LRRC61: variants seen among roughly 807,000 people sequenced by gnomAD.
LRRC61 encodes the protein leucine rich repeat containing 61.
In LRRC61, 9 loss-of-function variants were observed where a neutral mutation model predicts 15.1. That is an observed-to-expected ratio of 0.60 (90% CI 0.36 to 1.04). The LOEUF is 1.04. LRRC61 is among the 50% of genes least tolerant of loss of function. The pLI, the probability that LRRC61 is intolerant of heterozygous loss-of-function variation, is 0.01. For synonymous variants in LRRC61, 173 were observed against 158.6 expected (o/e 1.09, Z -0.68); for missense variants, 344 against 335.6 (o/e 1.03, Z -0.20).
At chr7:150,324,822 C>G (rs73474310) in intron 1 of LRRC61, among the ~76,000 whole-genome samples, 1,815 of 152,290 alleles carry the variant, frequency 0.012, 37 homozygotes, top group African/African-American at 0.042. Context: ...ATCCCCACCT[C>G]CAGCATTCCC....
At chr7:150,329,400 G>A (rs529093191) in intron 2 of LRRC61, among the ~76,000 whole-genome samples, 1 of 152,380 alleles carries the variant, frequency 6.6e-6, no homozygotes, top group African/African-American at 2.4e-5. Flanking sequence ...CCGAGGTACG[G>A]TATCCAAGGG....
rs1011364381 is a variant in LRRC61 at position 150,337,121 on chromosome 7, T to C, written c.260T>C (p.Leu87Pro). Reference protein sequence around the residue: ...LAVLNVSNNRLTGLEPLATCE... With the variant: ...LAVLNVSNNRPTGLEPLATCE... The stretch of plus-strand genomic sequence containing the variant: ...GTGCTCAATGTCTCCAACAATCGGC[T>C]GACGGGCCTGGAGCCACTGGCCACC... The change falls in exon 3 of 3, where the codon CTG (leucine) becomes CCG (proline). Residue 87 changes from leucine to proline, a missense_variant. By Grantham distance (98) the Leu-to-Pro change is moderately conservative (BLOSUM62 -3). Coordinates refer to ENST00000359623, the MANE Select transcript of LRRC61 (RefSeq NM_001142928.2). The C allele has an allele frequency of 1.9e-6, 3 of 1,612,122 alleles. No individual in the cohort carries two copies. Among genetic ancestry groups the C allele is most frequent in the Non-Finnish European group, 2.5e-6 (3 of 1,179,864 alleles).
chr7:150,323,786 A>C, intron 1 of LRRC61: 1 of 440,392 alleles, frequency 2.3e-6, no homozygotes, highest in Admixed American at 2.5e-5. Context: ...TAACAATCTC[A>C]TGAGGCGGGT....
At chr7:150,326,334 T>C (rs1368496940) in intron 2 of LRRC61, among the ~76,000 whole-genome samples, 2 of 152,174 alleles carry the variant, frequency 1.3e-5, no homozygotes, top group African/African-American at 4.8e-5. Context: ...CAAAGCTAAT[T>C]GGGAAACAGA....
At chr7:150,323,924 A>T (rs1276901113) in intron 1 of LRRC61, among the ~76,000 whole-genome samples, 1 of 152,230 alleles carries the variant, frequency 6.6e-6, no homozygotes, top group Non-Finnish European at 1.5e-5. Context: ...GCTTCCAGAA[A>T]GTAGCAGAGT....
the LRRC61 span, among the ~76,000 whole-genome samples, chr7:150,309,997 G>T: frequency 6.6e-6 from 1 of 152,140 alleles, no homozygotes; most frequent in African/African-American, 2.4e-5. Flanking sequence ...GCTGTTGTGG[G>T]TATTGACGGC....
At chr7:150,311,279 G>T in the LRRC61 span, among the ~76,000 whole-genome samples, 5,888 of 152,194 alleles carry the variant, frequency 0.039, 369 homozygotes, top group African/African-American at 0.14. Context: ...CTGTTGGAGT[G>T]CTCACACAGG....
rs972012553 is a variant in LRRC61, at chr7:150,330,254, G to C, written c.-145+4244G>C. On this transcript the variant is annotated intron_variant, in intron 2 of 2. Transcript: ENST00000359623. The surrounding 1 kb of genome is among the most constrained non-coding windows in gnomAD (Gnocchi z 4.6). ...AGGAGCTCTTGGACCACTGGGTCTC[G>C]GCCTACCACCTGCTGGAGTGGCTGG... is the stretch of plus-strand genomic sequence containing the variant. The C allele has an allele frequency of 3.2e-6, 2 of 627,094 alleles. No individual in the cohort carries two copies. The highest frequency in any genetic ancestry group is 2.7e-5 in the East Asian group (1 of 37,252). 38.8% of individuals were successfully genotyped at this position (627,094 alleles called of 1,614,324 possible).
intron 2 of LRRC61, chr7:150,332,406 T>G (rs1417964194): frequency 6.0e-6 from 1 of 167,080 alleles, no homozygotes; most frequent in Non-Finnish European, 1.5e-5. Context: ...AGCATGTCAC[T>G]GGCCATGGGG....
chr7:150,311,803 T>C, the LRRC61 span, among the ~76,000 whole-genome samples: 1 of 152,194 alleles, frequency 6.6e-6, no homozygotes, highest in Non-Finnish European at 1.5e-5. Flanking sequence ...GCACTTCCTC[T>C]CTCCACTACT....
rs1316208452 is a variant in LRRC61, at chr7:150,337,350, G to T, written c.489G>T (p.Glu163Asp). 4 of 1,604,564 alleles carry T rather than the reference G, an allele frequency of 2.5e-6. No individual in the cohort carries two copies. The highest frequency in any genetic ancestry group is 1.3e-5 in the African/African-American group (1 of 74,928). The change falls in exon 3 of 3, where the codon GAG becomes GAT. Residue 163 changes from glutamate to aspartate, a missense_variant. Physicochemically the swap from Glu to Asp is conservative, Grantham distance 45. Transcript: ENST00000359623. The part of the protein sequence containing the change: ...LLPGLKVIDG[E>D]RVIGRGSEFY... ...CTGGCCTGAAAGTCATCGACGGTGA[G>T]CGTGTGATTGGGCGTGGTAGTGAGT...
At position 150,335,029 on chromosome 7, in the gene LRRC61, T is replaced by C. The variant is rs1381514254; in HGVS notation, c.-144-1689T>C. On this transcript the variant is annotated intron_variant, in intron 2 of 2. Transcript: ENST00000359623. The surrounding 1 kb of genome is among the most constrained non-coding windows in gnomAD (Gnocchi z 4.3). ...AGGGCAACAAGAGTGAAACTCTGTC[T>C]CAAAAAAAAAAAAAAAAAAGAAAAA... Among the ~76,000 whole-genome samples, 3 of 104,698 alleles carry C rather than the reference T, an allele frequency of 2.9e-5. No individual in the cohort carries two copies. The highest frequency in any genetic ancestry group is 9.8e-5 in the Admixed American group (1 of 10,190). 68.7% of individuals were successfully genotyped at this position (104,698 alleles called of 152,430 possible). A position where few individuals can be genotyped will look rare whatever the true frequency, so the allele number is the denominator to read the frequency against.
At position 150,336,917 on chromosome 7, in the gene LRRC61, A is replaced by G; in HGVS notation, c.56A>G (p.Gln19Arg). 6.2e-7 allele frequency: 1 copy of G among 1,613,188 alleles called. No individual in the cohort carries two copies. The highest frequency in any genetic ancestry group is 8.5e-7 in the Non-Finnish European group (1 of 1,179,924). ...GEAGGLQITP[Q>R]LLKSRTGEFS... ...GCTGGCGGACTGCAGATCACACCCC[A>G]GCTGCTGAAGTCACGCACAGGCGAG... Residue 19 changes from glutamine (Q) to arginine (R), a missense_variant, in exon 3 of 3, where the codon CAG becomes CGG. By Grantham distance (43) the Gln-to-Arg change is conservative. Coordinates refer to ENST00000359623, the MANE Select transcript of LRRC61 (RefSeq NM_001142928.2).
chr7:150,309,998 T>C, the LRRC61 span, among the ~76,000 whole-genome samples: 1 of 152,160 alleles, frequency 6.6e-6, no homozygotes, highest in Non-Finnish European at 1.5e-5. Flanking sequence ...CTGTTGTGGG[T>C]ATTGACGGCC....
chr7:150,311,264 C>G, the LRRC61 span, among the ~76,000 whole-genome samples: 1 of 152,220 alleles, frequency 6.6e-6, no homozygotes, highest in Admixed American at 6.5e-5. Context: ...AAATACAAGG[C>G]TGTGCTGTTG....
intron 2 of LRRC61, among the ~76,000 whole-genome samples, chr7:150,334,498 C>A (rs1294964654): frequency 6.6e-6 from 1 of 152,138 alleles, no homozygotes; most frequent in Non-Finnish European, 1.5e-5. Context: ...TGGAGAGAGG[C>A]CTGCGAGTTC....
chr7:150,315,771 CAT>C, the LRRC61 span, among the ~76,000 whole-genome samples: 3 of 151,980 alleles, frequency 2.0e-5, no homozygotes, highest in South Asian at 6.2e-4. Flanking sequence ...TATATTCATA[CAT>C]GTGTGTATTC....
At chr7:150,328,214 T>A (rs1798004329) in intron 2 of LRRC61, among the ~76,000 whole-genome samples, 1 of 152,118 alleles carries the variant, frequency 6.6e-6, no homozygotes, top group African/African-American at 2.4e-5. Flanking sequence ...GAAGATCTGG[T>A]CCAAAATAGG....
In LRRC61 at chr7:150,333,195, G is replaced by A. The variant is rs1798169408; in HGVS notation, c.-144-3523G>A. On this transcript the variant is annotated intron_variant, in intron 2 of 2. Transcript: ENST00000359623. The surrounding 1 kb of genome is among the most constrained non-coding windows in gnomAD (Gnocchi z 4.3). ...GAACGTGAGAAGATTGGGTGAGGAT[G>A]AAAGGAAGAGGGTGAGAGAGCTTGA... is the stretch of plus-strand genomic sequence containing the variant. 6.6e-6 allele frequency among the ~76,000 whole-genome samples: 1 copy of A among 152,216 alleles called. No individual in the cohort carries two copies. Among genetic ancestry groups the A allele is most frequent in the South Asian group, 2.1e-4 (1 of 4,832 alleles).
Sources: allele counts gnomAD v4.1 joint callset (sites outside exome capture counted in the v4.1 genomes callset), GRCh38; gene constraint gnomAD v4.1.1; non-coding constraint Gnocchi (gnomAD v3.1); transcripts MANE v1.5; gene names NCBI Gene and HGNC (gene_info 2026-07-23, HGNC 2026-07-21).